The following LRRC4C variants were observed in gnomAD, a reference collection of about 807,000 sequenced individuals.
LRRC4C encodes leucine rich repeat containing 4C.
LRRC4C carries 5 observed loss-of-function variants against 33.6 expected under a neutral mutation model. The observed-to-expected ratio is 0.15, with a 90% CI of 0.08 to 0.31. The LOEUF (loss-of-function observed/expected upper bound fraction) is 0.31. LRRC4C is among the 10% of genes least tolerant of loss of function. LRRC4C has a pLI of 1.00. For synonymous variants in LRRC4C, 329 were observed against 302.0 expected, an observed-to-expected ratio of 1.09 and a Z score of -0.93; for missense variants, 560 against 796.7, an observed-to-expected ratio of 0.70 and a Z score of 3.58.
chr11:41,040,128 A>C (rs1857342015), intron 1 of LRRC4C, among the ~76,000 whole-genome samples: 2 of 115,730 alleles, frequency 1.7e-5, no homozygotes, highest in African/African-American at 3.5e-5. Flanking sequence ...ACAGAGTGAG[A>C]CTCTGTCTCA....
intron 3 of LRRC4C, among the ~76,000 whole-genome samples, chr11:40,480,574 A>AC (rs1953502296): frequency 6.6e-6 from 1 of 151,842 alleles, no homozygotes; most frequent in Non-Finnish European, 1.5e-5. Flanking sequence ...CCCCTGCAAC[A>AC]CATAATTTAC....
intron 6 of LRRC4C, among the ~76,000 whole-genome samples, chr11:40,133,834 T>C (rs972385358): frequency 1.3e-5 from 2 of 151,970 alleles, no homozygotes; most frequent in East Asian, 3.9e-4. Context: ...TCTAGCATTT[T>C]AAGAGAGAAA....
intron 3 of LRRC4C, among the ~76,000 whole-genome samples, chr11:40,526,447 A>G (rs951442337): frequency 2.0e-5 from 3 of 151,918 alleles, no homozygotes; most frequent in African/African-American, 7.3e-5. Flanking sequence ...ATAAAAGAGA[A>G]TATCTAAATG....
chr11:41,004,062 AT>A (rs1372379231), intron 1 of LRRC4C, among the ~76,000 whole-genome samples: 1 of 152,138 alleles, frequency 6.6e-6, no homozygotes, highest in African/African-American at 2.4e-5. Context: ...TTGAGAGGCT[AT>A]GGTTACAAAG....
intron 1 of LRRC4C, among the ~76,000 whole-genome samples, chr11:41,010,104 C>A (rs925527602): frequency 6.6e-6 from 1 of 152,024 alleles, no homozygotes; most frequent in African/African-American, 2.4e-5. Context: ...AAGGATGTTC[C>A]CCAAAGCTGT....
intron 2 of LRRC4C, among the ~76,000 whole-genome samples, chr11:40,897,074 G>T (rs1955981540): frequency 6.6e-6 from 1 of 152,150 alleles, no homozygotes; most frequent in Non-Finnish European, 1.5e-5. Flanking sequence ...TAACAAAAGA[G>T]AAATTTGCAA....
chr11:40,167,557 A>AT (rs776919412), intron 5 of LRRC4C, among the ~76,000 whole-genome samples: 6 of 152,174 alleles, frequency 3.9e-5, no homozygotes, highest in Non-Finnish European at 5.9e-5. Context: ...CCACTTTGGG[A>AT]TTTTTTATCC....
At chr11:40,334,771 A>C (rs962639374) in intron 3 of LRRC4C, among the ~76,000 whole-genome samples, 2 of 152,162 alleles carry the variant, frequency 1.3e-5, no homozygotes, top group Non-Finnish European at 2.9e-5. Context: ...TCAAATTTTT[A>C]CTTTATTTCT....
intron 1 of LRRC4C, among the ~76,000 whole-genome samples, chr11:41,178,832 A>G (rs1299085708): frequency 6.6e-6 from 1 of 152,112 alleles, no homozygotes; most frequent in Non-Finnish European, 1.5e-5. Flanking sequence ...CCTCCCAAGT[A>G]GCTGGGATTA....
chr11:40,802,801 G>T (rs1486160921), intron 2 of LRRC4C, among the ~76,000 whole-genome samples: 1 of 152,156 alleles, frequency 6.6e-6, no homozygotes, highest in Admixed American at 6.6e-5. Flanking sequence ...CGATCAAAGT[G>T]ATAACTTAAT....
intron 4 of LRRC4C, among the ~76,000 whole-genome samples, chr11:40,298,110 T>G (rs546825841): frequency 1.3e-5 from 2 of 152,192 alleles, no homozygotes; most frequent in East Asian, 3.9e-4. Context: ...TTACCGACTA[T>G]TCTTTTCACT....
At chr11:40,892,530 G>GA (rs1955765105) in intron 2 of LRRC4C, among the ~76,000 whole-genome samples, 1 of 151,958 alleles carries the variant, frequency 6.6e-6, no homozygotes, top group Non-Finnish European at 1.5e-5. Context: ...CCAAAAGATG[G>GA]AAAAAATCAA....
At chr11:40,235,477 A>G (rs955475091) in intron 5 of LRRC4C, among the ~76,000 whole-genome samples, 1 of 152,204 alleles carries the variant, frequency 6.6e-6, no homozygotes, top group Non-Finnish European at 1.5e-5. Flanking sequence ...CAAACTTATT[A>G]TATGGATATA....
chr11:41,264,370 G>A (rs76437549), intron 1 of LRRC4C, among the ~76,000 whole-genome samples: 19,443 of 152,048 alleles, frequency 0.13, 1,400 homozygotes, highest in Middle Eastern at 0.25. Flanking sequence ...GATTACAGTC[G>A]TAAGCCACCA....
intron 3 of LRRC4C, among the ~76,000 whole-genome samples, chr11:40,474,868 T>C (rs1250585732): frequency 6.8e-6 from 1 of 147,988 alleles, no homozygotes; most frequent in Non-Finnish European, 1.5e-5. Flanking sequence ...ATGCAAATCG[T>C]CATTAGATAA....
At chr11:41,185,327 G>GA (rs538833859) in intron 1 of LRRC4C, among the ~76,000 whole-genome samples, 151 of 152,062 alleles carry the variant, frequency 9.9e-4, no homozygotes, top group African/African-American at 3.5e-3. Flanking sequence ...TCAGGGTAGA[G>GA]AAAAAACAAG....
At chr11:40,886,406 T>TACACACACACACAC (rs10629266) in intron 2 of LRRC4C, among the ~76,000 whole-genome samples, 1,827 of 145,506 alleles carry the variant, frequency 0.013, 22 homozygotes, top group Middle Eastern at 0.043. Flanking sequence ...TTTCAAATGC[T>TACACACACACACAC]ACACACACAC....
intron 5 of LRRC4C, among the ~76,000 whole-genome samples, chr11:40,173,760 GTACA>G (rs1860242413): frequency 6.6e-6 from 1 of 152,190 alleles, no homozygotes; most frequent in Non-Finnish European, 1.5e-5. Context: ...AGTAAAAATA[GTACA>G]TAGTTTCTGT....
At chr11:40,221,144 G>C (rs1436774351) in intron 5 of LRRC4C, among the ~76,000 whole-genome samples, 1 of 152,062 alleles carries the variant, frequency 6.6e-6, no homozygotes, top group Middle Eastern at 3.2e-3. Flanking sequence ...CCAGAGTGCT[G>C]TTCAACCCTA....
Sources: allele counts gnomAD v4.1 joint callset (sites outside exome capture counted in the v4.1 genomes callset), GRCh38; gene constraint gnomAD v4.1.1; transcripts MANE v1.5; gene names NCBI Gene and HGNC (gene_info 2026-07-23, HGNC 2026-07-21).